Variants in SOD2 observed in about 807,000 individuals in gnomAD.
SOD2 encodes superoxide dismutase [Mn], mitochondrial.
In SOD2, 11 loss-of-function variants were observed where a neutral mutation model predicts 27.0. That is an observed-to-expected ratio of 0.41 (90% CI 0.26 to 0.67). The LOEUF (loss-of-function observed/expected upper bound fraction) is 0.67. SOD2 is among the 30% of genes least tolerant of loss of function. The probability of loss-of-function intolerance (pLI) is 0.34; values close to 1 mark genes in which losing one functional copy is unlikely to be tolerated. For synonymous variants in SOD2, 105 were observed against 103.0 expected (o/e 1.02, Z -0.12); for missense variants, 250 against 274.5 (o/e 0.91, Z 0.63).
intron 1 of SOD2, among the ~76,000 whole-genome samples, chr6:159,699,613 A>G (rs1777489927): frequency 6.6e-6 from 1 of 152,110 alleles, no homozygotes; most frequent in African/African-American, 2.4e-5. Context: ...GGGATCTGTC[A>G]TTATTAAACT....
intron 1 of SOD2, chr6:159,753,579 A>C: frequency 6.2e-7 from 1 of 1,614,164 alleles, no homozygotes; most frequent in Non-Finnish European, 8.5e-7. Flanking sequence ...GCTTTACAGA[A>C]GAAATACAGT....
At chr6:159,747,699 A>G (rs551442137), upstream of SOD2, among the ~76,000 whole-genome samples, 11 of 152,340 alleles carry the variant, frequency 7.2e-5, no homozygotes, top group African/African-American at 2.6e-4. Flanking sequence ...AGACTTCATT[A>G]ACTCTTAGGT....
rs2114762744 is a variant in SOD2, at chr6:159,682,448, A to C, written c.*45T>G. 1 of 1,585,220 alleles carries C rather than the reference A, an allele frequency of 6.3e-7. No homozygotes were observed. Among genetic ancestry groups the C allele is most frequent in the East Asian group, 2.2e-5 (1 of 44,464 alleles). ...TCTGCAGTACTCTATACCACTACAA[A>C]AACAGTCATAAAGAGCTTAACATAC... On this transcript the variant is annotated 3_prime_UTR_variant, in exon 5 of 5. Transcript: ENST00000538183.
At position 159,678,714 on chromosome 6, in the gene SOD2, C is replaced by T. The variant is rs1779832711; in HGVS notation, c.*3779G>A. ...GGGTCACGGGAACCCCACTTTATAG[C>T]CAGTCAGAAGTATAGGGACTTGCGA... On this transcript the variant is annotated 3_prime_UTR_variant, in exon 5 of 5. Coordinates refer to ENST00000538183, the MANE Select transcript of SOD2 (RefSeq NM_000636.4). 6.6e-6 allele frequency: 1 copy of T among 152,166 alleles called. No individual in the cohort carries two copies. The highest frequency in any genetic ancestry group is 2.4e-5 in the African/African-American group (1 of 41,440). The allele number at this position is 152,166 out of a possible 1,614,324, so 9.4% of individuals were successfully genotyped here.
upstream of SOD2, among the ~76,000 whole-genome samples, chr6:159,746,126 G>A (rs986674928): frequency 3.9e-5 from 6 of 152,172 alleles, no homozygotes; most frequent in African/African-American, 9.7e-5. Flanking sequence ...TGTACAATAC[G>A]AATTTAAAAT....
At chr6:159,691,197 G>T (rs1246475699) in intron 2 of SOD2, 3 of 152,166 alleles carry the variant, frequency 2.0e-5, no homozygotes, top group Non-Finnish European at 2.9e-5. Context: ...GAAGAGAAAG[G>T]TTCCTGGTGT....
chr6:159,717,485 CATGTATACA>C (rs1293581562), intron 1 of SOD2, among the ~76,000 whole-genome samples: 12 of 152,270 alleles, frequency 7.9e-5, no homozygotes, highest in African/African-American at 2.9e-4. Flanking sequence ...TATTTCCATA[CATGTATACA>C]ATGTGTAGTG....
upstream of SOD2, among the ~76,000 whole-genome samples, chr6:159,730,481 G>A (rs192032871): frequency 3.1e-4 from 47 of 152,040 alleles, no homozygotes; most frequent in South Asian, 4.6e-3. Flanking sequence ...CAAACTTCTC[G>A]GTACATTCGT....
intron 1 of SOD2, chr6:159,738,918 T>G: frequency 8.8e-7 from 1 of 1,136,990 alleles, no homozygotes; most frequent in Non-Finnish European, 1.3e-6. Context: ...TGGGAGATGT[T>G]TCATAGGTCT....
intron 1 of SOD2, among the ~76,000 whole-genome samples, chr6:159,710,757 A>ACTGCTCTGACCTCCATAACCACCACTCAG (rs1293432124): frequency 1.2e-3 from 169 of 139,942 alleles, no homozygotes; most frequent in South Asian, 0.011. Flanking sequence ...CACCACTCAT[A>ACTGCTCTGACCTCCATAACCACCACTCAG]CTGCTCTGAC....
At chr6:159,726,127 A>G (rs1375331132) in intron 1 of SOD2, 1 of 152,524 alleles carries the variant, frequency 6.6e-6, no homozygotes, top group African/African-American at 2.4e-5. Flanking sequence ...AAGAATAAAC[A>G]CAAGTAATTT....
rs1353711981 is a variant in SOD2, at chr6:159,674,808, TC to T, written c.*7684del. On this transcript the variant is annotated 3_prime_UTR_variant, in exon 5 of 5. Transcript: ENST00000538183. ...ATAAGGAAAAGAGGAAGTCAAATTGTCCCTGTTTGCAGATGACATGATTTTA... is the reference window on the plus strand; with the variant it reads ...ATAAGGAAAAGAGGAAGTCAAATTGTCCTGTTTGCAGATGACATGATTTTA... The T allele has an allele frequency of 6.6e-6, 1 of 152,200 alleles. No individual in the cohort carries two copies. Among genetic ancestry groups the T allele is most frequent in the African/African-American group, 2.4e-5 (1 of 41,452 alleles). The allele number at this position is 152,200 out of a possible 1,614,324, so 9.4% of individuals were successfully genotyped here. A position where few individuals can be genotyped will look rare whatever the true frequency, so the allele number is the denominator to read the frequency against.
chr6:159,717,129 T>C (rs1457612624), intron 1 of SOD2, among the ~76,000 whole-genome samples: 3 of 152,156 alleles, frequency 2.0e-5, no homozygotes, highest in Non-Finnish European at 4.4e-5. Flanking sequence ...AATGAAGGGA[T>C]TTTTTTCCAG....
At chr6:159,708,945 C>T (rs1362352487) in intron 1 of SOD2, among the ~76,000 whole-genome samples, 6 of 150,946 alleles carry the variant, frequency 4.0e-5, no homozygotes, top group African/African-American at 1.5e-4. Context: ...AGAACAGAGC[C>T]CTCAGAAATA....
At position 159,761,943 on chromosome 6, in the gene SOD2, ATGCGCGGGGAGGTGG is replaced by A. The variant is rs368418009; in HGVS notation, c.-1257_-1243del. 5,749 of 962,518 alleles carry A rather than the reference ATGCGCGGGGAGGTGG, an allele frequency of 6.0e-3. 188 individuals carry two copies. The African/African-American group carries it at 0.071, about 12-fold the overall frequency. The allele number at this position is 962,518 out of a possible 1,614,324, so 59.6% of individuals were successfully genotyped here. A position where few individuals can be genotyped will look rare whatever the true frequency, so the allele number is the denominator to read the frequency against. On this transcript the variant is annotated 5_prime_UTR_variant, in exon 1 of 8. Coordinates refer to the SOD2 transcript ENST00000546087. ...CGGCCTTGCGCCTGCGCACAGTGGG[ATGCGCGGGGAGGTGG>A]TGCGCGGGGAGGTGGAGGGCGAGGG...
rs139747898 is a variant in SOD2 at position 159,719,214 on chromosome 6, G to C, written c.-116+7915C>G. Among the ~76,000 whole-genome samples the C allele has an allele frequency of 7.1e-3, 1,075 of 152,124 alleles. 5 individuals carry two copies. The highest frequency in any genetic ancestry group is 0.01 in the Non-Finnish European group (711 of 67,978). On this transcript the variant is annotated intron_variant, in intron 1 of 2. Coordinates refer to the SOD2 transcript ENST00000401980. ...GGACCCCATAGAGCTCTCTTTTCCT[G>C]TTTTCACCACATAAGAGATAAGAGA...
At chr6:159,739,128 A>G in intron 1 of SOD2, 3 of 1,169,138 alleles carry the variant, frequency 2.6e-6, no homozygotes, top group Admixed American at 4.5e-5. Flanking sequence ...TTTGTGCCAG[A>G]TATTGTTTTT....
chr6:159,692,666 G>A lies in SOD2; in HGVS notation c.221C>T (p.Ala74Val). The A allele has an allele frequency of 1.2e-6, 2 of 1,613,776 alleles. No individual in the cohort carries two copies. Among genetic ancestry groups the A allele is most frequent in the Middle Eastern group, 1.6e-4 (1 of 6,062 alleles). ...CCGCTCAGCCTGGAACCTACCCTTG[G>A]CCAACGCCTCCTGGTACTTCTCCTC... ...VTEEKYQEALAKGDVTAQIAL... is the reference protein window; with the variant it reads ...VTEEKYQEALVKGDVTAQIAL... Residue 74 changes from alanine to valine, a missense_variant, in exon 2 of 5, where the codon GCC (alanine) becomes GTC (valine). By Grantham distance (64) the Ala-to-Val change is moderately conservative. Coordinates refer to ENST00000538183, the MANE Select transcript of SOD2 (RefSeq NM_000636.4).
intron 1 of SOD2, chr6:159,754,942 A>G: frequency 7.5e-7 from 1 of 1,336,848 alleles, no homozygotes; most frequent in Non-Finnish European, 1.0e-6. Context: ...GCGTTTATTG[A>G]CTCCCTTGCT....
Sources: gnomAD v4.1 joint callset for allele counts (sites outside exome capture counted in the v4.1 genomes callset) on GRCh38, gnomAD v4.1.1 for gene constraint, MANE v1.5 for transcripts, NCBI Gene and HGNC (gene_info 2026-07-23, HGNC 2026-07-21) for gene names.